DCN: variants seen among roughly 807,000 people sequenced by gnomAD.
The protein encoded by DCN is decorin, also known as bone proteoglycan II.
DCN carries 17 observed loss-of-function variants against 36.5 expected under a neutral mutation model. The ratio of observed to expected loss-of-function variants is 0.47; its 90% CI spans 0.32 to 0.70. The LOEUF (loss-of-function observed/expected upper bound fraction) is 0.70, where lower values mean the gene tolerates loss of function less well. Ranked by LOEUF, DCN falls within the 30% of genes least tolerant of loss-of-function variation. DCN has a pLI of 0.04. For missense variants in DCN, 389 were observed against 430.1 expected, an observed-to-expected ratio of 0.90 and a Z score of 0.84; for synonymous variants, 163 against 161.4, an observed-to-expected ratio of 1.01 and a Z score of -0.07.
chr12:91,170,921 A>G (rs561655134), intron 2 of DCN, among the ~76,000 whole-genome samples: 1 of 152,260 alleles, frequency 6.6e-6, no homozygotes, highest in African/African-American at 2.4e-5. Flanking sequence ...TAATTTTTTT[A>G]ACTTTTAAAT....
At chr12:91,160,686 T>C (rs1206891955) in intron 3 of DCN, among the ~76,000 whole-genome samples, 1 of 152,144 alleles carries the variant, frequency 6.6e-6, no homozygotes, top group Non-Finnish European at 1.5e-5. Flanking sequence ...GTACTAAGAA[T>C]AGTGCCTAGT....
chr12:91,157,112 G>C lies in DCN; in HGVS notation c.615C>G (p.Ile205Met). ...AFQGMKKLSY[I>M]RIADTNITSI... ...TGGTGATATTGGTATCAGCAATGCGGATGTAGGAGAGCTTCTTCATTCCCT... is the reference window on the plus strand; with the variant it reads ...TGGTGATATTGGTATCAGCAATGCGCATGTAGGAGAGCTTCTTCATTCCCT... The change falls in exon 5 of 8, where the codon ATC becomes ATG. Residue 205 changes from isoleucine to methionine, a missense_variant. Ile to Met is a conservative substitution (Grantham distance 10). Transcript: ENST00000052754. 1 of 1,612,736 alleles carries C rather than the reference G, an allele frequency of 6.2e-7. No homozygotes were observed.
At chr12:91,153,275 T>A in intron 5 of DCN, 86 bp from the exon 6 acceptor site, 1 of 802,438 alleles carries the variant, frequency 1.2e-6, no homozygotes, top group African/African-American at 1.7e-5. Context: ...ACATATGCCA[T>A]CAATTTTCTA....
intron 4 of DCN, among the ~76,000 whole-genome samples, chr12:91,157,908 A>G (rs1021191510): frequency 6.6e-6 from 1 of 152,308 alleles, no homozygotes; most frequent in East Asian, 1.9e-4. Context: ...GATTACAGGC[A>G]TGAGCCACCG....
chr12:91,173,828 C>G (rs190269802), intron 2 of DCN, among the ~76,000 whole-genome samples: 46 of 152,262 alleles, frequency 3.0e-4, no homozygotes, highest in African/African-American at 1.1e-3. Context: ...ACCAGTTTCT[C>G]CAGCCAAGCG....
At chr12:91,181,688 C>T (rs1868406931) in intron 1 of DCN, among the ~76,000 whole-genome samples, 1 of 151,984 alleles carries the variant, frequency 6.6e-6, no homozygotes, top group Non-Finnish European at 1.5e-5. Flanking sequence ...GTTATCTATG[C>T]CTCTGGTGTC....
chr12:91,165,145 T>C (rs1882470640), intron 2 of DCN, among the ~76,000 whole-genome samples: 1 of 152,208 alleles, frequency 6.6e-6, no homozygotes, highest in Non-Finnish European at 1.5e-5. Flanking sequence ...TCATCAGTAA[T>C]AAAGATCTTT....
At chr12:91,152,761 TACTTA>T (rs1336912914) in intron 6 of DCN, among the ~76,000 whole-genome samples, 8 of 152,172 alleles carry the variant, frequency 5.3e-5, no homozygotes, top group Admixed American at 5.2e-4. Context: ...TGTTATAATT[TACTTA>T]ACTTTCTGTT....
chr12:91,164,462 T>TAAAAAAA, intron 3 of DCN, 143 bp downstream of exon 3: 1 of 317,054 alleles, frequency 3.2e-6, no homozygotes, highest in Non-Finnish European at 5.4e-6. Flanking sequence ...AAAAAAAAAG[T>TAAAAAAA]AAAAAAAAAA....
At chr12:91,155,402 T>C (rs1881699550) in intron 5 of DCN, among the ~76,000 whole-genome samples, 1 of 152,066 alleles carries the variant, frequency 6.6e-6, no homozygotes, top group Non-Finnish European at 1.5e-5. Context: ...TATTAAGCGG[T>C]AGTAAATAAA....
chr12:91,157,917 C>T (rs1003673568), intron 4 of DCN, among the ~76,000 whole-genome samples: 1 of 152,072 alleles, frequency 6.6e-6, no homozygotes, highest in Admixed American at 6.6e-5. Flanking sequence ...CATGAGCCAC[C>T]GCGCCCAGCC....
chr12:91,181,199 A>G (rs1868384068), intron 1 of DCN, among the ~76,000 whole-genome samples: 1 of 151,186 alleles, frequency 6.6e-6, no homozygotes, highest in South Asian at 2.1e-4. Context: ...TGACAGAGAG[A>G]GAGTGTATGT....
chr12:91,167,468 GACAGACAC>G (rs1407880361), intron 2 of DCN, among the ~76,000 whole-genome samples: 1 of 141,270 alleles, frequency 7.1e-6, no homozygotes, highest in African/African-American at 3.0e-5. Flanking sequence ...CACACAGACA[GACAGACAC>G]ACACACACAC....
intron 2 of DCN, chr12:91,176,966 A>G (rs1390001408): frequency 1.3e-5 from 2 of 152,366 alleles, no homozygotes; most frequent in African/African-American, 4.8e-5. Context: ...GAGTAATCCA[A>G]TCTCCCCTGT....
chr12:91,158,431 A>G lies in DCN; in HGVS notation c.403T>C (p.Tyr135His), dbSNP rs762693864. The G allele has an allele frequency of 1.6e-5, 26 of 1,610,074 alleles. 1 individual carries two copies. The highest frequency in any genetic ancestry group is 2.2e-5 in the Non-Finnish European group (26 of 1,176,314). Residue 135 changes from tyrosine (Y) to histidine (H), a missense_variant, in exon 4 of 8, where the codon TAT becomes CAT. By Grantham distance (83) the Tyr-to-His change is moderately conservative. Coordinates refer to ENST00000052754, the MANE Select transcript of DCN (RefSeq NM_001920.5). ...TCCTTCAGCTGATTCTTGGACAGATAAAGTCGTTCCAACTTCACCAAAGGT... is the reference window on the plus strand; with the variant it reads ...TCCTTCAGCTGATTCTTGGACAGATGAAGTCGTTCCAACTTCACCAAAGGT... ...FTPLVKLERL[Y>H]LSKNQLKELP...
chr12:91,170,234 T>C (rs992011491), intron 2 of DCN, among the ~76,000 whole-genome samples: 1 of 152,166 alleles, frequency 6.6e-6, no homozygotes, highest in African/African-American at 2.4e-5. Flanking sequence ...CCTATGATTA[T>C]TATTAATAAG....
rs916655837 is a variant in DCN, at chr12:91,142,264, A to T, written c.*3794T>A. On this transcript the variant is annotated 3_prime_UTR_variant, in exon 8 of 8. Transcript: ENST00000052754. ...TGCAGGAGAGTCTGAAGGACAGTGAAGTCTTGTGAAGAGTTGTTGTGTGTG... is the reference window on the plus strand; with the variant it reads ...TGCAGGAGAGTCTGAAGGACAGTGATGTCTTGTGAAGAGTTGTTGTGTGTG... 1 of 152,218 alleles carries T rather than the reference A, an allele frequency of 6.6e-6. No individual in the cohort carries two copies. The highest frequency in any genetic ancestry group is 2.4e-5 in the African/African-American group (1 of 41,452). 9.4% of individuals were successfully genotyped at this position (152,218 alleles called of 1,614,324 possible).
intron 2 of DCN, among the ~76,000 whole-genome samples, chr12:91,174,598 T>G (rs1418879346): frequency 2.6e-5 from 4 of 152,124 alleles, no homozygotes; most frequent in Non-Finnish European, 5.9e-5. Context: ...GCATATATTT[T>G]TCTATTCTTA....
At position 91,143,106 on chromosome 12, in the gene DCN, A is replaced by T. The variant is rs1880804913; in HGVS notation, c.*2952T>A. On this transcript the variant is annotated 3_prime_UTR_variant, in exon 8 of 8. Transcript: ENST00000052754. ...GAAGGCCATGTGAGGGTGAAGATGG[A>T]GGCATAAATTAGAGTCACGCTGCCA... 1 of 152,202 alleles carries T rather than the reference A, an allele frequency of 6.6e-6. No individual in the cohort carries two copies. Among genetic ancestry groups the T allele is most frequent in the Non-Finnish European group, 1.5e-5 (1 of 68,076 alleles). 9.4% of individuals were successfully genotyped at this position (152,202 alleles called of 1,614,324 possible).
Sources: allele counts gnomAD v4.1 joint callset (sites outside exome capture counted in the v4.1 genomes callset), GRCh38; gene constraint gnomAD v4.1.1; transcripts MANE v1.5; gene names NCBI Gene and HGNC (gene_info 2026-07-23, HGNC 2026-07-21).